Variants in SLC2A9 observed in about 807,000 individuals in gnomAD.
SLC2A9 encodes solute carrier family 2, facilitated glucose transporter member 9.
SLC2A9 carries 39 observed loss-of-function variants against 50.6 expected under a neutral mutation model. That is an observed-to-expected ratio of 0.77 (90% CI 0.60 to 1.01). SLC2A9 has a LOEUF of 1.01. SLC2A9 is among the 50% of genes least tolerant of loss of function. The pLI is 0.00. For missense variants in SLC2A9, 686 were observed against 677.6 expected, an observed-to-expected ratio of 1.01 and a Z score of -0.14; for synonymous variants, 324 against 276.9, an observed-to-expected ratio of 1.17 and a Z score of -1.69.
chr4:9,772,569 T>C (rs1716964907), intron 1 of SLC2A9, among the ~76,000 whole-genome samples: 1 of 152,198 alleles, frequency 6.6e-6, no homozygotes, highest in Non-Finnish European at 1.5e-5. Context: ...ACCACCGGCC[T>C]CTGAATGAGA....
intron 5 of SLC2A9, among the ~76,000 whole-genome samples, chr4:9,976,710 G>A (rs1754861304): frequency 6.6e-6 from 1 of 152,212 alleles, no homozygotes; most frequent in Admixed American, 6.5e-5. Context: ...CCAGAAGGTG[G>A]GCATGGGCAG....
Position 9,826,377 on chromosome 4 carries a change from A to G in SLC2A9, c.*20T>C, listed in dbSNP as rs1725126956. ...AATCCTGTTTTTGACATAATTGTCC[A>G]ACGTGGAGGAGGAAACTTGTTAAGG... On this transcript the variant is annotated 3_prime_UTR_variant, in exon 12 of 12. Coordinates refer to ENST00000264784, the MANE Select transcript of SLC2A9 (RefSeq NM_020041.3). 1 of 1,612,432 alleles carries G rather than the reference A, an allele frequency of 6.2e-7. No individual in the cohort carries two copies. Among genetic ancestry groups the G allele is most frequent in the Non-Finnish European group, 8.5e-7 (1 of 1,178,538 alleles).
chr4:9,957,019 G>A (rs1380265785), intron 5 of SLC2A9, among the ~76,000 whole-genome samples: 1 of 152,114 alleles, frequency 6.6e-6, no homozygotes, highest in Non-Finnish European at 1.5e-5. Flanking sequence ...ACCCCTGGTG[G>A]CTCAGCATGG....
At chr4:9,972,406 A>T (rs1467206889) in intron 5 of SLC2A9, among the ~76,000 whole-genome samples, 1 of 152,208 alleles carries the variant, frequency 6.6e-6, no homozygotes, top group Non-Finnish European at 1.5e-5. Flanking sequence ...GGAGTCACAT[A>T]AATGTTCAGC....
intron 3 of SLC2A9, among the ~76,000 whole-genome samples, chr4:9,810,943 G>A (rs1052231077): frequency 1.4e-4 from 22 of 152,194 alleles, no homozygotes; most frequent in East Asian, 7.7e-4. Context: ...CCACACTAGC[G>A]ATAGTTGTGT....
chr4:9,826,312 A>C lies in SLC2A9; in HGVS notation c.*85T>G, dbSNP rs1023846250. The C allele has an allele frequency of 1.8e-5, 25 of 1,403,014 alleles. No individual in the cohort carries two copies. The African/African-American group carries it at 3.4e-4, about 19-fold the overall frequency. 86.9% of individuals were successfully genotyped at this position (1,403,014 alleles called of 1,614,324 possible). On this transcript the variant is annotated 3_prime_UTR_variant, in exon 12 of 12. Coordinates refer to ENST00000264784, the MANE Select transcript of SLC2A9 (RefSeq NM_020041.3). ...CATTTAAGCTTCCCAATAATGGGTA[A>C]ATTTTAAGTTTCCTGAAAAGTGAGA...
intron 3 of SLC2A9, among the ~76,000 whole-genome samples, chr4:9,811,085 G>A (rs1722829327): frequency 6.6e-6 from 1 of 152,196 alleles, no homozygotes; most frequent in Non-Finnish European, 1.5e-5. Context: ...CTTCTGGGCT[G>A]AGCACATGAC....
intron 8 of SLC2A9, among the ~76,000 whole-genome samples, chr4:9,902,343 G>A (rs1739792615): frequency 6.6e-6 from 1 of 152,232 alleles, no homozygotes. Context: ...GCCCAAGTGA[G>A]CACTTGCTGA....
At chr4:9,979,260 T>C (rs1163847423) in intron 5 of SLC2A9, among the ~76,000 whole-genome samples, 1 of 152,174 alleles carries the variant, frequency 6.6e-6, no homozygotes, top group Non-Finnish European at 1.5e-5. Flanking sequence ...ACTCACAAAG[T>C]AGCTGTTAGG....
intron 4 of SLC2A9, among the ~76,000 whole-genome samples, chr4:9,981,780 T>C (rs1193928209): frequency 2.0e-5 from 3 of 152,244 alleles, no homozygotes; most frequent in African/African-American, 7.2e-5. Flanking sequence ...CCTGTTGTCC[T>C]ATTATGGTTT....
intron 10 of SLC2A9, among the ~76,000 whole-genome samples, chr4:9,851,113 T>G (rs1204857368): frequency 6.6e-6 from 1 of 152,222 alleles, no homozygotes; most frequent in Non-Finnish European, 1.5e-5. Flanking sequence ...TTGCAGCTGC[T>G]GGCACACTTG....
intron 2 of SLC2A9, among the ~76,000 whole-genome samples, chr4:10,001,757 A>G (rs1330148349): frequency 6.6e-6 from 1 of 152,198 alleles, no homozygotes; most frequent in Non-Finnish European, 1.5e-5. Flanking sequence ...TTGACCATTT[A>G]GTCAATGTCA....
intron 5 of SLC2A9, among the ~76,000 whole-genome samples, chr4:9,952,401 C>T (rs1750461488): frequency 6.6e-6 from 1 of 152,086 alleles, no homozygotes; most frequent in African/African-American, 2.4e-5. Flanking sequence ...TCTGCTTTTG[C>T]CAGGTGATGT....
chr4:9,850,804 T>C (rs1193650671), intron 10 of SLC2A9, among the ~76,000 whole-genome samples: 1 of 152,142 alleles, frequency 6.6e-6, no homozygotes, highest in Non-Finnish European at 1.5e-5. Context: ...CATCACATAA[T>C]GCCACCACTG....
At chr4:9,881,550 G>T (rs1462050305) in intron 10 of SLC2A9, among the ~76,000 whole-genome samples, 1 of 152,186 alleles carries the variant, frequency 6.6e-6, no homozygotes, top group Non-Finnish European at 1.5e-5. Flanking sequence ...AAGTTAGAAA[G>T]AAAATATATT....
intron 6 of SLC2A9, among the ~76,000 whole-genome samples, chr4:9,935,338 C>T (rs1746867770): frequency 6.6e-6 from 1 of 152,234 alleles, no homozygotes. Flanking sequence ...TCATTCTGTG[C>T]TGTCTCACTG....
At chr4:9,888,556 T>A (rs1268345062) in intron 9 of SLC2A9, among the ~76,000 whole-genome samples, 1 of 152,024 alleles carries the variant, frequency 6.6e-6, no homozygotes, top group Non-Finnish European at 1.5e-5. Context: ...TCACCAGTTC[T>A]GAATCTGTGG....
At chr4:9,984,999 G>C (rs889926446) in intron 4 of SLC2A9, among the ~76,000 whole-genome samples, 4 of 152,152 alleles carry the variant, frequency 2.6e-5, no homozygotes, top group Admixed American at 6.5e-5. Context: ...CCGCCTCTGA[G>C]ACATAATACT....
At chr4:9,784,089 G>T (rs1454266037) in intron 3 of SLC2A9, 1 of 162,778 alleles carries the variant, frequency 6.1e-6, no homozygotes, top group Admixed American at 6.5e-5. Flanking sequence ...TCCTTAAAAT[G>T]CAAAGAAGAT....
Sources: allele counts gnomAD v4.1 joint callset (sites outside exome capture counted in the v4.1 genomes callset), GRCh38; gene constraint gnomAD v4.1.1; transcripts MANE v1.5; gene names NCBI Gene and HGNC (gene_info 2026-07-23, HGNC 2026-07-21).